DSCAM: variants seen among roughly 807,000 people sequenced by gnomAD.
DSCAM encodes cell adhesion molecule DSCAM.
Under a neutral mutation model 217.7 loss-of-function variants are expected in DSCAM, and 47 were observed. That is an observed-to-expected ratio of 0.22 (90% CI 0.17 to 0.28). The LOEUF (loss-of-function observed/expected upper bound fraction) is 0.28, where lower values mean the gene tolerates loss of function less well. Among genes scored for constraint, DSCAM ranks in the 10% least tolerant of loss-of-function variants. The pLI, the probability that DSCAM is intolerant of heterozygous loss-of-function variation, is 1.00. For missense variants in DSCAM, 2,080 were observed against 2,618.3 expected, an observed-to-expected ratio of 0.79 and a Z score of 4.49; for synonymous variants, 1,056 against 1,015.3, an observed-to-expected ratio of 1.04 and a Z score of -0.76.
intron 16 of DSCAM, among the ~76,000 whole-genome samples, chr21:40,149,760 C>G (rs2146731537): frequency 6.7e-6 from 1 of 149,868 alleles, no homozygotes; most frequent in South Asian, 2.1e-4. Flanking sequence ...TCCATCGCTC[C>G]ATCACTATCC....
chr21:40,616,886 G>A (rs555581111), intron 3 of DSCAM, among the ~76,000 whole-genome samples: 2 of 150,626 alleles, frequency 1.3e-5, no homozygotes, highest in African/African-American at 2.4e-5. Context: ...GCGTAGTGGC[G>A]GGCGCCTGTA....
chr21:40,740,375 G>T (rs2091112335), intron 1 of DSCAM, among the ~76,000 whole-genome samples: 1 of 152,116 alleles, frequency 6.6e-6, no homozygotes, highest in Non-Finnish European at 1.5e-5. Flanking sequence ...ACTAACGGCA[G>T]CCCAGGTAAA....
intron 3 of DSCAM, among the ~76,000 whole-genome samples, chr21:40,604,988 G>T (rs1195909035): frequency 6.6e-6 from 1 of 152,136 alleles, no homozygotes; most frequent in Non-Finnish European, 1.5e-5. Context: ...AGCCTTCCTT[G>T]AAGGACATGG....
At chr21:40,543,348 G>T (rs775855668) in intron 3 of DSCAM, among the ~76,000 whole-genome samples, 68 of 152,276 alleles carry the variant, frequency 4.5e-4, no homozygotes, top group Non-Finnish European at 7.5e-4. Context: ...TGGCCACTGG[G>T]ATCCACCATT....
intron 3 of DSCAM, among the ~76,000 whole-genome samples, chr21:40,626,754 A>G (rs1027021390): frequency 2.0e-5 from 3 of 152,202 alleles, no homozygotes; most frequent in Admixed American, 1.3e-4. Context: ...GTTCATTGCT[A>G]CCAAGTTTTC....
chr21:40,076,126 T>C (rs1888495), intron 26 of DSCAM, among the ~76,000 whole-genome samples: 25,487 of 152,068 alleles, frequency 0.17, 2,457 homozygotes, highest in Admixed American at 0.25. Context: ...GTCTTTATCC[T>C]GCATTTAGTA....
At chr21:40,021,104 C>CAGAG (rs774247566) in intron 32 of DSCAM, among the ~76,000 whole-genome samples, 1 of 139,152 alleles carries the variant, frequency 7.2e-6, no homozygotes, top group Non-Finnish European at 1.5e-5. Flanking sequence ...AAGAGACACA[C>CAGAG]AGAGAGAGAG....
chr21:40,177,190 A>G (rs2090743547), intron 15 of DSCAM, among the ~76,000 whole-genome samples: 1 of 152,260 alleles, frequency 6.6e-6, no homozygotes, highest in African/African-American at 2.4e-5. Flanking sequence ...GTTTACATAC[A>G]TAATTAAATA....
intron 32 of DSCAM, 101 bp from the exon 33 acceptor site, chr21:40,013,487 G>A (rs1013613116): frequency 1.2e-6 from 1 of 804,162 alleles, no homozygotes; most frequent in Non-Finnish European, 1.8e-6. Context: ...TTAGAGATGA[G>A]AATGCCGCTG....
At chr21:40,071,765 CAG>C (rs1260118869) in intron 27 of DSCAM, among the ~76,000 whole-genome samples, 1 of 152,226 alleles carries the variant, frequency 6.6e-6, no homozygotes, top group Non-Finnish European at 1.5e-5. Flanking sequence ...CCCAGAGGCA[CAG>C]AGTCTGTACC....
chr21:40,342,648 A>T (rs11700682), intron 6 of DSCAM, among the ~76,000 whole-genome samples: 10,115 of 80,456 alleles, frequency 0.13, 933 homozygotes, highest in East Asian at 0.23. Context: ...ATATATATAT[A>T]TTTTTTTTTT....
At chr21:40,136,674 T>C (rs1288119948) in intron 18 of DSCAM, among the ~76,000 whole-genome samples, 1 of 152,174 alleles carries the variant, frequency 6.6e-6, no homozygotes, top group Non-Finnish European at 1.5e-5. Context: ...TAGCTGGTTA[T>C]GAGACTCTGA....
intron 3 of DSCAM, among the ~76,000 whole-genome samples, chr21:40,550,203 G>A (rs574938093): frequency 6.6e-6 from 1 of 152,090 alleles, no homozygotes; most frequent in African/African-American, 2.4e-5. Flanking sequence ...GCCTCCCAGG[G>A]CTTTCTGCTG....
At chr21:40,113,476 G>A (rs1208743384) in intron 20 of DSCAM, among the ~76,000 whole-genome samples, 5 of 152,124 alleles carry the variant, frequency 3.3e-5, no homozygotes, top group Non-Finnish European at 4.4e-5. Flanking sequence ...GGCAAAAACT[G>A]GAAGCATTCC....
intron 3 of DSCAM, among the ~76,000 whole-genome samples, chr21:40,632,103 A>G (rs1380795909): frequency 6.6e-6 from 1 of 152,202 alleles, no homozygotes; most frequent in Non-Finnish European, 1.5e-5. Flanking sequence ...TGCCCTGGGC[A>G]TGGGGCCTCC....
At chr21:40,562,382 G>A (rs185999647) in intron 3 of DSCAM, among the ~76,000 whole-genome samples, 134 of 152,186 alleles carry the variant, frequency 8.8e-4, no homozygotes, top group African/African-American at 3.1e-3. Flanking sequence ...AAGTTTCCTG[G>A]GGCCTCCCTA....
intron 9 of DSCAM, among the ~76,000 whole-genome samples, chr21:40,297,856 T>C (rs2073972009): frequency 6.6e-6 from 1 of 152,210 alleles, no homozygotes; most frequent in Non-Finnish European, 1.5e-5. Context: ...ACACATTGGC[T>C]TGGTGTCCAG....
At chr21:40,310,750 C>T (rs1049320687) in intron 9 of DSCAM, among the ~76,000 whole-genome samples, 2 of 152,176 alleles carry the variant, frequency 1.3e-5, no homozygotes, top group African/African-American at 4.8e-5. Flanking sequence ...AGAGTTAACT[C>T]TGCTTATAAG....
chr21:40,058,173 G>A (rs1419400341), intron 28 of DSCAM, among the ~76,000 whole-genome samples: 1 of 151,880 alleles, frequency 6.6e-6, no homozygotes, highest in Non-Finnish European at 1.5e-5. Context: ...CGCCTGGCCG[G>A]ACTCACAGTT....
Sources: allele counts gnomAD v4.1 joint callset (sites outside exome capture counted in the v4.1 genomes callset), GRCh38; gene constraint gnomAD v4.1.1; transcripts MANE v1.5; gene names NCBI Gene and HGNC (gene_info 2026-07-23, HGNC 2026-07-21).